Variants in ZC3H12B observed in about 807,000 individuals in gnomAD.
ZC3H12B encodes probable ribonuclease ZC3H12B.
ZC3H12B carries 7 observed loss-of-function variants against 43.9 expected under a neutral mutation model. That is an observed-to-expected ratio of 0.16 (90% CI 0.09 to 0.30). The LOEUF is 0.30. ZC3H12B is among the 10% of genes least tolerant of loss of function. The pLI is 1.00. For missense variants in ZC3H12B, 475 were observed against 670.2 expected (o/e 0.71, Z 3.22); for synonymous variants, 222 against 241.7 (o/e 0.92, Z 0.76).
chrX:65,487,972 C>T (rs372889772), upstream of ZC3H12B, among the ~76,000 whole-genome samples: 5 of 111,861 alleles, frequency 4.5e-5, no homozygotes. Context: ...CCCAGGTTCA[C>T]GCCATTCTCC....
the ZC3H12B span, among the ~76,000 whole-genome samples, chrX:65,337,285 G>A: frequency 2.9e-3 from 330 of 111,982 alleles, 2 homozygotes; most frequent in African/African-American, 0.01. Context: ...CCAGAATGGA[G>A]TCCCAATCTA....
chrX:65,059,458 G>A, the ZC3H12B span, among the ~76,000 whole-genome samples: 1 of 111,052 alleles, frequency 9.0e-6, no homozygotes, highest in African/African-American at 3.3e-5. Context: ...AGTTTTCCCA[G>A]CACCGTTTAT....
At chrX:65,223,678 C>T in the ZC3H12B span, among the ~76,000 whole-genome samples, 1 of 112,122 alleles carries the variant, frequency 8.9e-6, no homozygotes, top group Non-Finnish European at 1.9e-5. Flanking sequence ...AGACAGTTTT[C>T]AAAAGAAGAT....
At chrX:65,211,959 AAT>A in the ZC3H12B span, among the ~76,000 whole-genome samples, 6 of 71,044 alleles carry the variant, frequency 8.4e-5, no homozygotes, top group Non-Finnish European at 1.2e-4. Context: ...TATAATATAT[AAT>A]ATATGTTATG....
At chrX:65,498,803 G>A (rs1442807159) in intron 2 of ZC3H12B, among the ~76,000 whole-genome samples, 196 bp from the exon 8 acceptor site, 40 of 112,101 alleles carry the variant, frequency 3.6e-4, no homozygotes, top group Admixed American at 3.1e-3. Flanking sequence ...AAAGAAGACT[G>A]AAGTCCAAAG....
chrX:65,439,169 C>T (rs2148122847), intron 3 of ZC3H12B, among the ~76,000 whole-genome samples: 1 of 112,405 alleles, frequency 8.9e-6, no homozygotes, highest in African/African-American at 3.2e-5. Context: ...CAGTTCCTGG[C>T]ATTAAGGTCA....
chrX:65,275,484 T>G, the ZC3H12B span, among the ~76,000 whole-genome samples: 1 of 113,088 alleles, frequency 8.8e-6, no homozygotes, highest in Non-Finnish European at 1.9e-5. Flanking sequence ...TCTTCATGCA[T>G]GTATTCCTTA....
chrX:65,410,500 A>G (rs888963821), intron 3 of ZC3H12B, among the ~76,000 whole-genome samples: 5 of 112,098 alleles, frequency 4.5e-5, no homozygotes, highest in Non-Finnish European at 9.4e-5. Context: ...TGCACAGCAA[A>G]GAAAACAATC....
At chrX:65,117,438 T>C in the ZC3H12B span, among the ~76,000 whole-genome samples, 1 of 112,113 alleles carries the variant, frequency 8.9e-6, no homozygotes, top group Non-Finnish European at 1.9e-5. Context: ...TTGTTTAAGT[T>C]TTTTTGTAGA....
At chrX:65,381,410 A>G (rs2066437933) in intron 2 of ZC3H12B, among the ~76,000 whole-genome samples, 1 of 112,018 alleles carries the variant, frequency 8.9e-6, no homozygotes, top group Middle Eastern at 4.6e-3. Flanking sequence ...ACCAACGAGA[A>G]CAAAGACACA....
chrX:65,129,826 G>T, the ZC3H12B span, among the ~76,000 whole-genome samples: 2 of 111,062 alleles, frequency 1.8e-5, no homozygotes, highest in Admixed American at 9.6e-5. Flanking sequence ...ATTAGGGGCG[G>T]CATGGGAACC....
chrX:65,458,401 T>A (rs2067669425), intron 3 of ZC3H12B, among the ~76,000 whole-genome samples: 1 of 111,425 alleles, frequency 9.0e-6, no homozygotes, highest in Non-Finnish European at 1.9e-5. Context: ...ATCAACAGAA[T>A]ATACATTCTT....
chrX:65,475,965 G>A (rs957479321), intron 3 of ZC3H12B, among the ~76,000 whole-genome samples: 26 of 112,200 alleles, frequency 2.3e-4, no homozygotes, highest in Admixed American at 6.6e-4. Context: ...CAGATTGCAA[G>A]GTTTCTGTAG....
chrX:65,157,677 C>T, the ZC3H12B span, among the ~76,000 whole-genome samples: 1 of 111,557 alleles, frequency 9.0e-6, no homozygotes, highest in Non-Finnish European at 1.9e-5. Flanking sequence ...TAATTTAGTA[C>T]ACTTGTTGTT....
the ZC3H12B span, among the ~76,000 whole-genome samples, chrX:65,241,219 A>T: frequency 3.5e-5 from 4 of 112,745 alleles, no homozygotes; most frequent in South Asian, 1.4e-3. Context: ...TTAGGAAGAG[A>T]TCAAAGTTCT....
chrX:65,360,054 C>T, the ZC3H12B span, among the ~76,000 whole-genome samples: 11 of 112,127 alleles, frequency 9.8e-5, no homozygotes, highest in African/African-American at 3.2e-4. Flanking sequence ...ACTGAAGGTT[C>T]AGATGATTGT....
chrX:65,231,152 A>G, the ZC3H12B span, among the ~76,000 whole-genome samples: 1 of 111,066 alleles, frequency 9.0e-6, no homozygotes, highest in African/African-American at 3.3e-5. Context: ...GACCATGATG[A>G]CAACCCCGAG....
the ZC3H12B span, among the ~76,000 whole-genome samples, chrX:65,343,206 G>T: frequency 3.6e-5 from 4 of 110,722 alleles, no homozygotes; most frequent in Non-Finnish European, 5.7e-5. Flanking sequence ...AAAAAATAAA[G>T]CCCAATACCA....
chrX:65,340,010 G>A, the ZC3H12B span, among the ~76,000 whole-genome samples: 1 of 111,806 alleles, frequency 8.9e-6, no homozygotes, highest in East Asian at 2.8e-4. Flanking sequence ...CACCATTGCA[G>A]TCAGAGCCTT....
Sources: allele counts gnomAD v4.1 joint callset (sites outside exome capture counted in the v4.1 genomes callset), GRCh38; gene constraint gnomAD v4.1.1; transcripts MANE v1.5; gene names NCBI Gene and HGNC (gene_info 2026-07-23, HGNC 2026-07-21).